Variants in TRABD2B observed in about 807,000 individuals in gnomAD.
TRABD2B encodes the protein TraB domain containing 2B.
A neutral mutation model predicts 40.1 loss-of-function variants in TRABD2B; 14 were observed. That is an observed-to-expected ratio of 0.35 (90% CI 0.23 to 0.55). The LOEUF is 0.55. TRABD2B is among the 20% of genes least tolerant of loss of function. The pLI, the probability that TRABD2B is intolerant of heterozygous loss-of-function variation, is 0.90. For missense variants in TRABD2B, 541 were observed against 648.6 expected, an observed-to-expected ratio of 0.83 and a Z score of 1.80; for synonymous variants, 263 against 277.0, an observed-to-expected ratio of 0.95 and a Z score of 0.50.
chr1:47,969,913 C>T (rs527879865), intron 2 of TRABD2B, among the ~76,000 whole-genome samples: 3 of 152,128 alleles, frequency 2.0e-5, no homozygotes, highest in South Asian at 4.2e-4. Flanking sequence ...TTCCAGTGTC[C>T]GACTTCACCT....
intron 2 of TRABD2B, among the ~76,000 whole-genome samples, chr1:47,852,540 A>G (rs1645564666): frequency 6.6e-6 from 1 of 152,122 alleles, no homozygotes; most frequent in Non-Finnish European, 1.5e-5. Context: ...CAGGGCCACC[A>G]TTGCTGGTCA....
chr1:47,827,668 G>A (rs1000129694), intron 2 of TRABD2B, among the ~76,000 whole-genome samples: 1 of 152,174 alleles, frequency 6.6e-6, no homozygotes, highest in Non-Finnish European at 1.5e-5. Flanking sequence ...CTGAGAATGG[G>A]AGCTGAGGCC....
chr1:47,859,993 T>C (rs1000851389), intron 2 of TRABD2B, among the ~76,000 whole-genome samples: 3 of 152,184 alleles, frequency 2.0e-5, no homozygotes, highest in African/African-American at 7.2e-5. Flanking sequence ...CAACTGGAGA[T>C]GCAGTGGAAC....
chr1:47,918,785 A>G (rs750643880), intron 2 of TRABD2B, among the ~76,000 whole-genome samples: 1 of 152,248 alleles, frequency 6.6e-6, no homozygotes, highest in Non-Finnish European at 1.5e-5. Context: ...ACCAAGGTCC[A>G]GAGTCAGGGC....
At position 47,764,113 on chromosome 1, in the gene TRABD2B, A is replaced by G. The variant is rs1402648895; in HGVS notation, c.*1789T>C. The G allele has an allele frequency of 6.6e-6, 1 of 152,244 alleles. No homozygotes were observed. Among genetic ancestry groups the G allele is most frequent in the Non-Finnish European group, 1.5e-5 (1 of 68,054 alleles). The allele number at this position is 152,244 out of a possible 1,614,324, so 9.4% of individuals were successfully genotyped here. A position where few individuals can be genotyped will look rare whatever the true frequency, so the allele number is the denominator to read the frequency against. Reference sequence around the variant, plus strand: ...TGAGCTGCCCAGAACTTGCCGTCTCAGAAGGGAGATAGCTGCCAAGCTGGG... The same window carrying G: ...TGAGCTGCCCAGAACTTGCCGTCTCGGAAGGGAGATAGCTGCCAAGCTGGG... On this transcript the variant is annotated 3_prime_UTR_variant, in exon 7 of 7. Transcript: ENST00000606738.
At chr1:47,941,929 T>C (rs1645194144) in intron 2 of TRABD2B, among the ~76,000 whole-genome samples, 1 of 152,268 alleles carries the variant, frequency 6.6e-6, no homozygotes, top group African/African-American at 2.4e-5. Flanking sequence ...CTTGGAACAA[T>C]GCCTGGGCTA....
chr1:47,833,796 T>C (rs776348781), intron 2 of TRABD2B, among the ~76,000 whole-genome samples: 11 of 152,174 alleles, frequency 7.2e-5, no homozygotes, highest in Admixed American at 4.6e-4. Flanking sequence ...AGTGAACCAT[T>C]TGGTGGACTA....
intron 2 of TRABD2B, among the ~76,000 whole-genome samples, chr1:47,977,388 A>C (rs1389049185): frequency 1.3e-5 from 2 of 152,090 alleles, no homozygotes; most frequent in African/African-American, 2.4e-5. Context: ...GTCCATTTTT[A>C]ATATGTGAGT....
chr1:47,964,818 C>G (rs1645574816), intron 2 of TRABD2B, among the ~76,000 whole-genome samples: 1 of 151,886 alleles, frequency 6.6e-6, no homozygotes, highest in African/African-American at 2.4e-5. Context: ...AGTGGAAGCC[C>G]AGAGAGAGGA....
intron 2 of TRABD2B, among the ~76,000 whole-genome samples, chr1:47,885,096 A>G (rs978827341): frequency 6.6e-6 from 1 of 152,154 alleles, no homozygotes; most frequent in Non-Finnish European, 1.5e-5. Context: ...CTCCAGCCTC[A>G]GCTCTTGCCA....
intron 2 of TRABD2B, among the ~76,000 whole-genome samples, chr1:47,942,296 G>A (rs560074818): frequency 1.3e-5 from 2 of 152,226 alleles, no homozygotes; most frequent in African/African-American, 4.8e-5. Context: ...AAGCATGGCA[G>A]TTCCTAGGCT....
At position 47,891,282 on chromosome 1, in the gene TRABD2B, A is replaced by T. The variant is rs926363647; in HGVS notation, c.667-89663T>A. On this transcript the variant is annotated intron_variant, in intron 2 of 6. Coordinates refer to ENST00000606738, the MANE Select transcript of TRABD2B (RefSeq NM_001194986.2). ...AGAGCTTACATTTTAGCAGGGGAACAGATGAGAAACACACAAATATACACG... is the reference window on the plus strand; with the variant it reads ...AGAGCTTACATTTTAGCAGGGGAACTGATGAGAAACACACAAATATACACG... Among the ~76,000 whole-genome samples, 3 of 152,232 alleles carry T rather than the reference A, an allele frequency of 2.0e-5. No individual in the cohort carries two copies. The South Asian group carries it at 6.2e-4, about 32-fold the overall frequency.
intron 2 of TRABD2B, among the ~76,000 whole-genome samples, chr1:47,807,817 G>C (rs192583860): frequency 6.6e-6 from 1 of 152,286 alleles, no homozygotes; most frequent in East Asian, 1.9e-4. Flanking sequence ...CCTCTTCTGG[G>C]GAAAGAAACA....
intron 2 of TRABD2B, among the ~76,000 whole-genome samples, chr1:47,951,334 A>G (rs1237808835): frequency 6.6e-6 from 1 of 152,378 alleles, no homozygotes; most frequent in East Asian, 1.9e-4. Context: ...CTTTCCACCA[A>G]CTGCTGCTTA....
chr1:47,915,877 G>A (rs768599589), intron 2 of TRABD2B, among the ~76,000 whole-genome samples: 9 of 152,166 alleles, frequency 5.9e-5, no homozygotes, highest in East Asian at 3.9e-4. Context: ...CCCACCAGGC[G>A]GTGACCCCAA....
At chr1:47,824,998 GA>G (rs1448653322) in intron 2 of TRABD2B, among the ~76,000 whole-genome samples, 1 of 152,206 alleles carries the variant, frequency 6.6e-6, no homozygotes, top group African/African-American at 2.4e-5. Context: ...CTGCGACGAG[GA>G]TGAACCGCCA....
intron 2 of TRABD2B, among the ~76,000 whole-genome samples, chr1:47,814,858 C>CTT (rs1483185915): frequency 2.0e-5 from 3 of 152,202 alleles, no homozygotes; most frequent in African/African-American, 7.2e-5. Flanking sequence ...CCAACTTCTG[C>CTT]TTTTTGCCTG....
intron 2 of TRABD2B, among the ~76,000 whole-genome samples, chr1:47,846,857 T>TATACACACACACACACACACACACACAC (rs374941615): frequency 1.9e-5 from 2 of 106,394 alleles, no homozygotes; most frequent in Non-Finnish European, 4.3e-5. Context: ...AAAACATGCA[T>TATACACACACACACACACACACACACAC]ACACACACAC....
At chr1:47,847,134 G>C (rs1178744030) in intron 2 of TRABD2B, among the ~76,000 whole-genome samples, 1 of 152,212 alleles carries the variant, frequency 6.6e-6, no homozygotes, top group Non-Finnish European at 1.5e-5. Context: ...CTTCTTGGGG[G>C]AACTTGGAGG....
Sources: gnomAD v4.1 joint callset for allele counts (sites outside exome capture counted in the v4.1 genomes callset) on GRCh38, gnomAD v4.1.1 for gene constraint, MANE v1.5 for transcripts, NCBI Gene and HGNC (gene_info 2026-07-23, HGNC 2026-07-21) for gene names.